Variants in RBFOX3 observed in about 807,000 individuals in gnomAD.
The protein encoded by RBFOX3 is RNA binding fox-1 homolog 3, also known as RNA binding protein fox-1 homolog 3.
Under a neutral mutation model 48.7 loss-of-function variants are expected in RBFOX3, and 17 were observed. The observed-to-expected ratio is 0.35, with a 90% CI of 0.24 to 0.52. The LOEUF (loss-of-function observed/expected upper bound fraction) is 0.52, where lower values mean the gene tolerates loss of function less well. Among genes scored for constraint, RBFOX3 ranks in the 20% least tolerant of loss-of-function variants. The pLI is 0.94. For synonymous variants in RBFOX3, 212 were observed against 209.5 expected (o/e 1.01, Z -0.10); for missense variants, 382 against 497.5 (o/e 0.77, Z 2.21).
rs146453218 is a variant in RBFOX3, at chr17:79,089,661, C to T, written c.*1222G>A. On this transcript the variant is annotated 3_prime_UTR_variant, in exon 15 of 15. Transcript: ENST00000693108. ...GAGGTGTATTTTTAAATTTTTGACA[C>T]TTCATGAGACAGTGGAGCCACGTTG... 3 of 152,596 alleles carry T rather than the reference C, an allele frequency of 2.0e-5. No homozygotes were observed. The highest frequency in any genetic ancestry group is 7.2e-5 in the African/African-American group (3 of 41,450). 9.5% of individuals were successfully genotyped at this position (152,596 alleles called of 1,614,324 possible).
rs568151540 is a variant in RBFOX3 at position 79,150,619 on chromosome 17, G to C, written c.-33-34871C>G. ...CCACCAGAGCTGTCACTGAAGTAGG[G>C]GATACCTGACCACCTCTGGGGGCAA... On this transcript the variant is annotated intron_variant, in intron 4 of 14. Coordinates refer to ENST00000693108, the MANE Select transcript of RBFOX3 (RefSeq NM_001350451.2). Among the ~76,000 whole-genome samples the C allele has an allele frequency of 8.3e-4, 127 of 152,226 alleles. 1 individual carries two copies. Among genetic ancestry groups the C allele is most frequent in the African/African-American group, 2.8e-3 (116 of 41,540 alleles).
intron 2 of RBFOX3, among the ~76,000 whole-genome samples, chr17:79,316,354 G>A (rs1331113441): frequency 6.6e-6 from 1 of 152,204 alleles, no homozygotes; most frequent in Non-Finnish European, 1.5e-5. Flanking sequence ...TGTAGATGGG[G>A]CCAGGCCAGC....
At chr17:79,222,267 A>G (rs2059831445) in intron 4 of RBFOX3, among the ~76,000 whole-genome samples, 1 of 151,550 alleles carries the variant, frequency 6.6e-6, no homozygotes, top group South Asian at 2.1e-4. Context: ...ACTTTGTGCT[A>G]GCTCATGCCA....
At chr17:79,509,741 G>A (rs941165475) in intron 1 of RBFOX3, among the ~76,000 whole-genome samples, 2 of 152,038 alleles carry the variant, frequency 1.3e-5, no homozygotes, top group Non-Finnish European at 2.9e-5. Context: ...GTAGAGCCCA[G>A]GGTTAGGGTG....
rs1328189235 is a variant in RBFOX3 at position 79,090,540 on chromosome 17, A to G, written c.*343T>C. The G allele has an allele frequency of 9.4e-6, 3 of 318,696 alleles. No homozygotes were observed. The highest frequency in any genetic ancestry group is 1.7e-5 in the Non-Finnish European group (3 of 173,550). The allele number at this position is 318,696 out of a possible 1,614,324, so 19.7% of individuals were successfully genotyped here. A position where few individuals can be genotyped will look rare whatever the true frequency, so the allele number is the denominator to read the frequency against. ...TTGGGGGCTGGGAAAGGAAGACTGG[A>G]TGGAAAACAGAGCCCCCCACGGGTC... On this transcript the variant is annotated 3_prime_UTR_variant, in exon 15 of 15. Coordinates refer to ENST00000693108, the MANE Select transcript of RBFOX3 (RefSeq NM_001350451.2).
chr17:79,207,559 G>A (rs2057681547), intron 4 of RBFOX3, among the ~76,000 whole-genome samples: 2 of 152,238 alleles, frequency 1.3e-5, no homozygotes, highest in African/African-American at 4.8e-5. Context: ...TGGGTCCCTG[G>A]GCCTATGGGC....
At chr17:79,611,743 C>T (rs1028349120), upstream of RBFOX3, among the ~76,000 whole-genome samples, 1 of 152,190 alleles carries the variant, frequency 6.6e-6, no homozygotes, top group Non-Finnish European at 1.5e-5. Context: ...CCTCACTAGG[C>T]CCAGGTGCCC....
chr17:79,611,173 T>TCTCTCTCTCTCCCC (rs2093964578), upstream of RBFOX3, among the ~76,000 whole-genome samples: 1 of 25,984 alleles, frequency 3.8e-5, no homozygotes. Flanking sequence ...TCTCTCTCTC[T>TCTCTCTCTCTCCCC]CCGCCCTCCT....
At chr17:79,286,226 T>C (rs79814808) in intron 3 of RBFOX3, among the ~76,000 whole-genome samples, 2 of 152,164 alleles carry the variant, frequency 1.3e-5, no homozygotes, top group East Asian at 1.9e-4. Flanking sequence ...TTGGCTCCCA[T>C]GTCATAGTGG....
chr17:79,646,061 C>A, the RBFOX3 span, among the ~76,000 whole-genome samples: 6 of 152,218 alleles, frequency 3.9e-5, no homozygotes, highest in African/African-American at 1.4e-4. Flanking sequence ...CCCCCTCCAC[C>A]CTTTCACAGT....
the RBFOX3 span, among the ~76,000 whole-genome samples, chr17:79,620,737 C>T: frequency 6.6e-6 from 1 of 152,206 alleles, no homozygotes. Flanking sequence ...CCCCTCCACA[C>T]CCTGATGCCC....
At chr17:79,107,269 G>A (rs868062387) in intron 5 of RBFOX3, among the ~76,000 whole-genome samples, 7 of 152,072 alleles carry the variant, frequency 4.6e-5, no homozygotes, top group South Asian at 2.1e-4. Flanking sequence ...GCTGCCCTTC[G>A]TGTCCCCCAT....
intron 4 of RBFOX3, among the ~76,000 whole-genome samples, chr17:79,160,402 C>A (rs376518982): frequency 6.6e-6 from 1 of 152,330 alleles, no homozygotes; most frequent in East Asian, 1.9e-4. Flanking sequence ...ACGAGAGACC[C>A]AACGTGGTCT....
At chr17:79,496,686 C>T (rs969101321) in intron 1 of RBFOX3, among the ~76,000 whole-genome samples, 11 of 152,128 alleles carry the variant, frequency 7.2e-5, no homozygotes, top group Non-Finnish European at 1.5e-4. Flanking sequence ...TACAGAATTT[C>T]CTGGCAGGAT....
intron 1 of RBFOX3, among the ~76,000 whole-genome samples, chr17:79,488,220 A>G (rs1046671039): frequency 9.2e-5 from 14 of 152,316 alleles, no homozygotes; most frequent in African/African-American, 3.4e-4. Context: ...ATGCAAGGAC[A>G]GGCTGGGGAC....
At chr17:79,628,518 C>T in the RBFOX3 span, among the ~76,000 whole-genome samples, 3 of 152,102 alleles carry the variant, frequency 2.0e-5, no homozygotes, top group Non-Finnish European at 4.4e-5. Context: ...CTGGGGCCAG[C>T]GAGGGGAGCC....
chr17:79,374,144 T>C (rs2058926813), intron 2 of RBFOX3, among the ~76,000 whole-genome samples: 1 of 152,232 alleles, frequency 6.6e-6, no homozygotes, highest in South Asian at 2.1e-4. Flanking sequence ...ATTACAGGCG[T>C]GAGCCACCTC....
intron 2 of RBFOX3, among the ~76,000 whole-genome samples, chr17:79,412,341 ATGT>A (rs551473246): frequency 3.3e-5 from 5 of 150,792 alleles, no homozygotes; most frequent in South Asian, 2.1e-4. Context: ...GTGTATGCAC[ATGT>A]TGTGATATGT....
chr17:79,654,421 T>C, the RBFOX3 span, among the ~76,000 whole-genome samples: 2 of 152,072 alleles, frequency 1.3e-5, no homozygotes, highest in Non-Finnish European at 2.9e-5. Context: ...CCTAAGCAAA[T>C]GAAAGAAGCA....
Sources: allele counts gnomAD v4.1 joint callset (sites outside exome capture counted in the v4.1 genomes callset), GRCh38; gene constraint gnomAD v4.1.1; transcripts MANE v1.5; gene names NCBI Gene and HGNC (gene_info 2026-07-23, HGNC 2026-07-21).